PDE4D: variants seen among roughly 807,000 people sequenced by gnomAD.
The protein encoded by PDE4D is 3',5'-cyclic-AMP phosphodiesterase 4D.
A neutral mutation model predicts 87.4 loss-of-function variants in PDE4D; 24 were observed. The ratio of observed to expected loss-of-function variants is 0.27; its 90% CI spans 0.20 to 0.39. The LOEUF (loss-of-function observed/expected upper bound fraction) is 0.39, where lower values mean the gene tolerates loss of function less well. Ranked by LOEUF, PDE4D falls within the 10% of genes least tolerant of loss-of-function variation. PDE4D has a pLI of 1.00. For missense variants in PDE4D, 714 were observed against 1,041.0 expected (o/e 0.69, Z 4.32); for synonymous variants, 384 against 383.2 (o/e 1.00, Z -0.02).
chr5:59,465,773 C>A (rs977875121), intron 1 of PDE4D, among the ~76,000 whole-genome samples: 1 of 152,136 alleles, frequency 6.6e-6, no homozygotes, highest in Non-Finnish European at 1.5e-5. Flanking sequence ...AAGAAAAAGA[C>A]CATTCATTGG....
chr5:59,082,409 CTATTT>C (rs1168245931), intron 5 of PDE4D, among the ~76,000 whole-genome samples: 11 of 152,024 alleles, frequency 7.2e-5, no homozygotes, highest in Non-Finnish European at 1.6e-4. Flanking sequence ...GGAAATCATT[CTATTT>C]TAAGATAAAA....
chr5:60,519,214 G>C (rs1471027099), intron 1 of PDE4D, among the ~76,000 whole-genome samples: 2 of 152,288 alleles, frequency 1.3e-5, no homozygotes, highest in East Asian at 1.9e-4. Flanking sequence ...GTGCACAGTC[G>C]TATTAAAGCC....
At chr5:59,656,828 A>T (rs1234095093) in intron 1 of PDE4D, among the ~76,000 whole-genome samples, 5 of 152,222 alleles carry the variant, frequency 3.3e-5, no homozygotes, top group Non-Finnish European at 2.9e-5. Flanking sequence ...AGTTTTAGCA[A>T]TTACAATAGC....
At chr5:59,310,727 A>G (rs1772417009) in intron 1 of PDE4D, among the ~76,000 whole-genome samples, 2 of 152,064 alleles carry the variant, frequency 1.3e-5, no homozygotes, top group South Asian at 4.2e-4. Context: ...TACCATTCCC[A>G]CGGGTGGCAG....
intron 2 of PDE4D, among the ~76,000 whole-genome samples, chr5:60,062,681 A>T (rs1562043362): frequency 6.6e-6 from 1 of 152,200 alleles, no homozygotes; most frequent in Non-Finnish European, 1.5e-5. Flanking sequence ...CCCATCAATG[A>T]TAGACTGGAT....
In PDE4D at chr5:60,315,065, T is replaced by C. The variant is rs577069422; in HGVS notation, c.-89-129378A>G. 9.8e-4 allele frequency among the ~76,000 whole-genome samples: 149 copies of C among 152,318 alleles called. 1 individual carries two copies. Among genetic ancestry groups the C allele is most frequent in the African/African-American group, 3.5e-3 (145 of 41,580 alleles). On this transcript the variant is annotated intron_variant, in intron 1 of 16. Transcript: ENST00000502484. The stretch of plus-strand genomic sequence containing the variant: ...AGATCCCTGAGGAATCACCACACTG[T>C]CTTCCACAATGGTTGAACCAGTTTA...
intron 2 of PDE4D, among the ~76,000 whole-genome samples, chr5:60,081,704 G>C (rs1180106792): frequency 6.6e-6 from 1 of 151,714 alleles, no homozygotes; most frequent in Non-Finnish European, 1.5e-5. Flanking sequence ...TGTGGATTTT[G>C]AGTGAGTTTC....
intron 6 of PDE4D, among the ~76,000 whole-genome samples, chr5:59,021,119 A>G (rs1395129943): frequency 6.6e-6 from 1 of 152,180 alleles, no homozygotes; most frequent in African/African-American, 2.4e-5. Flanking sequence ...ATCCAGGGTG[A>G]GAGAAAAGCA....
intron 2 of PDE4D, among the ~76,000 whole-genome samples, chr5:60,044,772 C>T (rs1223873326): frequency 1.3e-5 from 2 of 152,148 alleles, no homozygotes; most frequent in African/African-American, 4.8e-5. Context: ...CATTGATGGA[C>T]ATTTGGGTTG....
At chr5:59,104,398 T>C (rs139081039) in intron 5 of PDE4D, among the ~76,000 whole-genome samples, 2,791 of 152,324 alleles carry the variant, frequency 0.018, 36 homozygotes, top group Non-Finnish European at 0.029. Flanking sequence ...CCAAAGCCCT[T>C]ACATGTGTGA....
chr5:59,883,709 C>T (rs1447664222), intron 1 of PDE4D, among the ~76,000 whole-genome samples: 1 of 152,052 alleles, frequency 6.6e-6, no homozygotes, highest in South Asian at 2.1e-4. Flanking sequence ...TTTTAACTTA[C>T]CGATATATGA....
At chr5:60,041,760 GC>G in intron 2 of PDE4D, among the ~76,000 whole-genome samples, 1 of 152,282 alleles carries the variant, frequency 6.6e-6, no homozygotes, top group Non-Finnish European at 1.5e-5. Flanking sequence ...GAGGAATGGT[GC>G]ATTCCGGCCC....
intron 1 of PDE4D, among the ~76,000 whole-genome samples, chr5:59,493,107 G>A (rs1482618774): frequency 2.0e-5 from 3 of 151,944 alleles, no homozygotes; most frequent in African/African-American, 7.3e-5. Context: ...TACTTTTAAA[G>A]GCTTAAAAAA....
chr5:60,231,363 A>G (rs1745785214), intron 1 of PDE4D, among the ~76,000 whole-genome samples: 1 of 152,024 alleles, frequency 6.6e-6, no homozygotes, highest in Non-Finnish European at 1.5e-5. Flanking sequence ...CTGAAACAAT[A>G]AGATATAAAC....
chr5:60,356,392 C>T (rs1759625084), intron 1 of PDE4D, among the ~76,000 whole-genome samples: 1 of 152,174 alleles, frequency 6.6e-6, no homozygotes, highest in Admixed American at 6.5e-5. Flanking sequence ...TTACTCCTCA[C>T]GCATTTAAAT....
chr5:59,736,420 T>G (rs1758070882), intron 1 of PDE4D, among the ~76,000 whole-genome samples: 1 of 152,160 alleles, frequency 6.6e-6, no homozygotes, highest in Non-Finnish European at 1.5e-5. Context: ...GGCACACTCT[T>G]ATAATCCCAG....
At chr5:58,982,542 C>T (rs1484372522) in intron 11 of PDE4D, among the ~76,000 whole-genome samples, 2 of 152,150 alleles carry the variant, frequency 1.3e-5, no homozygotes, top group Non-Finnish European at 2.9e-5. Context: ...AGAGAAAGTG[C>T]CTTTTCCACT....
At chr5:60,086,794 G>T (rs543092065) in intron 2 of PDE4D, among the ~76,000 whole-genome samples, 1 of 152,326 alleles carries the variant, frequency 6.6e-6, no homozygotes, top group South Asian at 2.1e-4. Context: ...ATCCCAGAGG[G>T]CTGATTGGAA....
At chr5:60,193,638 CT>C (rs1785383555) in intron 1 of PDE4D, among the ~76,000 whole-genome samples, 1 of 122,732 alleles carries the variant, frequency 8.1e-6, no homozygotes, top group African/African-American at 3.0e-5. Context: ...CGCCACTGCA[CT>C]CCAGCCTGGG....
Sources: allele counts gnomAD v4.1 joint callset (sites outside exome capture counted in the v4.1 genomes callset), GRCh38; gene constraint gnomAD v4.1.1; transcripts MANE v1.5; gene names NCBI Gene and HGNC (gene_info 2026-07-23, HGNC 2026-07-21).